MED13L: variants seen among roughly 807,000 people sequenced by gnomAD.
MED13L encodes the protein mediator complex subunit 13L, also known as mediator of RNA polymerase II transcription subunit 13-like.
Under a neutral mutation model 220.9 loss-of-function variants are expected in MED13L, and 7 were observed. The observed-to-expected ratio is 0.03, with a 90% confidence interval of 0.02 to 0.06. MED13L has a LOEUF of 0.06. Among genes scored for constraint, MED13L ranks in the 10% least tolerant of loss-of-function variants. MED13L has a pLI of 1.00. For missense variants in MED13L, 1,965 were observed against 2,760.5 expected, an observed-to-expected ratio of 0.71 and a Z score of 6.46; for synonymous variants, 1,011 against 1,015.2, an observed-to-expected ratio of 1.00 and a Z score of 0.08.
At chr12:116,011,525 A>G (rs1427010093) in intron 9 of MED13L, among the ~76,000 whole-genome samples, 2 of 152,226 alleles carry the variant, frequency 1.3e-5, no homozygotes, top group Non-Finnish European at 2.9e-5. Context: ...AATACACTAC[A>G]GTTTATATCC....
chr12:116,115,659 T>C (rs1010839372), intron 2 of MED13L, among the ~76,000 whole-genome samples: 1 of 151,364 alleles, frequency 6.6e-6, no homozygotes, highest in Admixed American at 6.6e-5. Context: ...ATCTCAAAAC[T>C]TAACTACCAA....
chr12:116,110,997 C>G (rs952547867), intron 3 of MED13L, among the ~76,000 whole-genome samples: 2 of 152,134 alleles, frequency 1.3e-5, no homozygotes, highest in African/African-American at 4.8e-5. Flanking sequence ...ATGGATGTAA[C>G]TGGGACAACC....
At chr12:116,033,350 G>A (rs1039749183) in intron 4 of MED13L, among the ~76,000 whole-genome samples, 7 of 152,020 alleles carry the variant, frequency 4.6e-5, no homozygotes. Context: ...ATAAAGACAG[G>A]AAACCACTAT....
chr12:116,050,448 C>T (rs1430116542), intron 4 of MED13L, among the ~76,000 whole-genome samples: 4 of 152,240 alleles, frequency 2.6e-5, no homozygotes, highest in African/African-American at 9.6e-5. Context: ...ATGAACACCA[C>T]TGAGACACTC....
At chr12:116,098,402 T>C (rs1008042909) in intron 3 of MED13L, among the ~76,000 whole-genome samples, 4 of 152,220 alleles carry the variant, frequency 2.6e-5, no homozygotes, top group Non-Finnish European at 5.9e-5. Flanking sequence ...GTCAGAACAC[T>C]GAATGTAATT....
rs184802887 is a variant in MED13L at position 116,158,110 on chromosome 12, C to T, written c.311-46598G>A. Among the ~76,000 whole-genome samples, 9 of 148,892 alleles carry T rather than the reference C, an allele frequency of 6.0e-5. No individual in the cohort carries two copies. In the East Asian group the frequency reaches 1.6e-3, roughly 26 times the overall value. ...AAGCTGCAAGGATCCAGAACCCAAA[C>T]AGGAAACAGATGAACGCAGGTCAGA... On this transcript the variant is annotated intron_variant, in intron 2 of 30. Transcript: ENST00000281928.
intron 4 of MED13L, among the ~76,000 whole-genome samples, chr12:116,082,083 G>T (rs1047975632): frequency 6.6e-6 from 1 of 152,058 alleles, no homozygotes; most frequent in African/African-American, 2.4e-5. Context: ...AAGAATAAAT[G>T]GCAATATTTG....
At chr12:115,976,002 A>G in intron 23 of MED13L, among the ~76,000 whole-genome samples, 1 of 152,202 alleles carries the variant, frequency 6.6e-6, no homozygotes, top group East Asian at 1.9e-4. Context: ...CATTGGCCCA[A>G]CTTCATTAGT....
At chr12:116,131,433 T>C (rs901344971) in intron 2 of MED13L, among the ~76,000 whole-genome samples, 3 of 152,268 alleles carry the variant, frequency 2.0e-5, no homozygotes, top group Non-Finnish European at 4.4e-5. Flanking sequence ...TTACTTCTCT[T>C]TGCAAAACAG....
intron 2 of MED13L, among the ~76,000 whole-genome samples, chr12:116,228,748 T>C (rs1869253777): frequency 6.6e-6 from 1 of 152,206 alleles, no homozygotes; most frequent in Admixed American, 6.5e-5. Flanking sequence ...ATGTTAATGT[T>C]CTAATATATA....
At chr12:116,123,894 G>A (rs1875312702) in intron 2 of MED13L, among the ~76,000 whole-genome samples, 1 of 151,984 alleles carries the variant, frequency 6.6e-6, no homozygotes, top group South Asian at 2.1e-4. Flanking sequence ...TAACAATGGT[G>A]CTGCTTCTTA....
chr12:116,153,340 G>T lies in MED13L; in HGVS notation c.311-41828C>A, dbSNP rs141779879. Among the ~76,000 whole-genome samples, 4 of 152,236 alleles carry T rather than the reference G, an allele frequency of 2.6e-5. No individual in the cohort carries two copies. In the East Asian group the frequency reaches 5.8e-4, roughly 22 times the overall value. The stretch of plus-strand genomic sequence containing the variant: ...TATGGTGGCAGCTAAAAGCCAAAAT[G>T]TGGAACAAAAGAAGGAAGCCAGAGT... On this transcript the variant is annotated intron_variant, in intron 2 of 30. Transcript: ENST00000281928.
intron 2 of MED13L, among the ~76,000 whole-genome samples, chr12:116,197,009 T>G (rs1881671672): frequency 6.6e-6 from 1 of 152,244 alleles, no homozygotes; most frequent in South Asian, 2.1e-4. Flanking sequence ...AGTAACCATA[T>G]TAAGTCTGAA....
intron 3 of MED13L, among the ~76,000 whole-genome samples, chr12:116,108,895 A>G (rs1411664976): frequency 6.6e-6 from 1 of 152,110 alleles, no homozygotes; most frequent in Non-Finnish European, 1.5e-5. Context: ...ATATATATCT[A>G]TCATCTAGCA....
intron 23 of MED13L, among the ~76,000 whole-genome samples, chr12:115,977,637 C>G (rs1028328329): frequency 2.6e-5 from 4 of 152,178 alleles, no homozygotes; most frequent in African/African-American, 9.7e-5. Flanking sequence ...AAATGAAGTA[C>G]TGGTACATGT....
At chr12:116,169,027 G>A (rs1282975113) in intron 2 of MED13L, 4 of 152,236 alleles carry the variant, frequency 2.6e-5, no homozygotes, top group African/African-American at 9.7e-5. Flanking sequence ...AGAGCTCTGA[G>A]CCCACGGAGT....
At chr12:116,239,973 T>C (rs554074676) in intron 1 of MED13L, among the ~76,000 whole-genome samples, 4 of 152,336 alleles carry the variant, frequency 2.6e-5, no homozygotes, top group South Asian at 4.1e-4. Flanking sequence ...TCAGTATACA[T>C]ATGAAGCATT....
chr12:115,980,664 C>G, intron 23 of MED13L, 86 bp downstream of exon 23: 3 of 1,428,500 alleles, frequency 2.1e-6, no homozygotes, highest in Non-Finnish European at 2.9e-6. Context: ...ACTAAGCAAC[C>G]AGCCAATCTC....
At chr12:116,034,746 C>A (rs1253550537) in intron 4 of MED13L, among the ~76,000 whole-genome samples, 1 of 152,200 alleles carries the variant, frequency 6.6e-6, no homozygotes, top group Non-Finnish European at 1.5e-5. Flanking sequence ...TGGGTCACAC[C>A]TGTAATCCCA....
Sources: gnomAD v4.1 joint callset for allele counts (sites outside exome capture counted in the v4.1 genomes callset) on GRCh38, gnomAD v4.1.1 for gene constraint, MANE v1.5 for transcripts, NCBI Gene and HGNC (gene_info 2026-07-23, HGNC 2026-07-21) for gene names.